URGCP: variants seen among roughly 807,000 people sequenced by gnomAD.
The protein encoded by URGCP is up-regulator of cell proliferation.
URGCP carries 13 observed loss-of-function variants against 24.6 expected under a neutral mutation model. The observed-to-expected ratio is 0.53, with a 90% confidence interval of 0.34 to 0.84. The LOEUF is 0.84. Ranked by LOEUF, URGCP falls within the 40% of genes least tolerant of loss-of-function variation. URGCP has a pLI of 0.01. For missense variants in URGCP, 899 were observed against 1,194.3 expected, an observed-to-expected ratio of 0.75 and a Z score of 3.64; for synonymous variants, 444 against 487.2, an observed-to-expected ratio of 0.91 and a Z score of 1.17.
In URGCP at chr7:43,923,879, A is replaced by T. The variant is rs184265374; in HGVS notation, c.-116+2253T>A. Among the ~76,000 whole-genome samples the T allele has an allele frequency of 8.9e-3, 1,328 of 149,662 alleles. 20 individuals are homozygous for T. Among genetic ancestry groups the T allele is most frequent in the African/African-American group, 0.031 (1,261 of 40,892 alleles). On this transcript the variant is annotated intron_variant, in intron 1 of 5. Coordinates refer to the URGCP transcript ENST00000426198. ...TAAAAATCTTTTGTGTATTATTATT[A>T]TTTTTTTTTTGAGACACAGTCTCGC...
At chr7:43,902,828 G>A (rs1017169202) in intron 1 of URGCP, among the ~76,000 whole-genome samples, 2 of 152,090 alleles carry the variant, frequency 1.3e-5, no homozygotes, top group African/African-American at 4.8e-5. Flanking sequence ...CAGGCAGGAA[G>A]AACAAAAAAC....
At chr7:43,909,543 T>C (rs1039054801), upstream of URGCP, among the ~76,000 whole-genome samples, 3 of 150,498 alleles carry the variant, frequency 2.0e-5, no homozygotes, top group African/African-American at 7.3e-5. Context: ...CTGGCCAACA[T>C]GGTGAAACTC....
rs201711850 is a variant in URGCP, at chr7:43,877,450, G to A, written c.2013C>T (p.Pro671=). ...TCAGGAGCCCTGTGACCCAGCGGAC[G>A]GGCATGCTCAGCGTGCTCCCATCGA... ...ELIDGSTLSM[P]VRWVTGLLKE... The change falls in exon 6 of 6, where the codon CCC becomes CCT. Residue 671 remains proline, a synonymous_variant. Transcript: ENST00000453200. The A allele has an allele frequency of 1.3e-5, 21 of 1,613,486 alleles. No individual in the cohort carries two copies. The highest frequency in any genetic ancestry group is 9.3e-5 in the African/African-American group (7 of 74,936).
At position 43,923,868 on chromosome 7, in the gene URGCP, GTATTAT is replaced by G. The variant is rs1014260165; in HGVS notation, c.-116+2258_-116+2263del. On this transcript the variant is annotated intron_variant, in intron 1 of 5. Coordinates refer to the URGCP transcript ENST00000426198. ...ATTTATCCATTTAAAAATCTTTTGT[GTATTAT>G]TATTATTTTTTTTTTGAGACACAGT... Among the ~76,000 whole-genome samples, 10 of 149,114 alleles carry G rather than the reference GTATTAT, an allele frequency of 6.7e-5. No homozygotes were observed. In the East Asian group the frequency reaches 2.0e-3, roughly 29 times the overall value.
chr7:43,877,610 C>T lies in URGCP; in HGVS notation c.1853G>A (p.Arg618Gln), dbSNP rs746921655. The T allele has an allele frequency of 4.3e-6, 7 of 1,614,202 alleles. No homozygotes were observed. The highest frequency in any genetic ancestry group is 5.9e-6 in the Non-Finnish European group (7 of 1,180,042). ...AGCCTCATAAAACTGTCCCATCTCCCGCAAGAAGTGTTCCACCCCTAGGGG... is the reference window on the plus strand; with the variant it reads ...AGCCTCATAAAACTGTCCCATCTCCTGCAAGAAGTGTTCCACCCCTAGGGG... The part of the protein sequence containing the change: ...PEPLGVEHFL[R>Q]EMGQFYEAES... The change falls in exon 6 of 6, where the codon CGG (arginine) becomes CAG (glutamine). Residue 618 changes from arginine (R) to glutamine (Q), a missense_variant. Coordinates refer to ENST00000453200, the MANE Select transcript of URGCP (RefSeq NM_001077663.3).
intron 1 of URGCP, among the ~76,000 whole-genome samples, chr7:43,923,540 A>G (rs1280879888): frequency 6.6e-6 from 1 of 151,740 alleles, no homozygotes; most frequent in East Asian, 1.9e-4. Flanking sequence ...CTCCAACCTC[A>G]GCTTCCCAAA....
At chr7:43,885,682 A>G (rs1022365552) in intron 3 of URGCP, among the ~76,000 whole-genome samples, 1 of 152,160 alleles carries the variant, frequency 6.6e-6, no homozygotes, top group Non-Finnish European at 1.5e-5. Context: ...CTAGCTCACA[A>G]TAAGCATCCA....
intron 1 of URGCP, among the ~76,000 whole-genome samples, chr7:43,924,658 C>T (rs1472603918): frequency 1.3e-5 from 2 of 152,154 alleles, no homozygotes; most frequent in Non-Finnish European, 1.5e-5. Context: ...GATGCTTGAG[C>T]TGGCTTTGGA....
chr7:43,922,065 G>A (rs11772346), intron 1 of URGCP, among the ~76,000 whole-genome samples: 17,445 of 150,812 alleles, frequency 0.12, 1,157 homozygotes, highest in Admixed American at 0.18. Flanking sequence ...GCTAATTTCC[G>A]TTTTTGTTTG....
chr7:43,891,462 T>C (rs2095870538), intron 1 of URGCP, among the ~76,000 whole-genome samples: 1 of 152,222 alleles, frequency 6.6e-6, no homozygotes, highest in African/African-American at 2.4e-5. Context: ...CCTTTCTTCA[T>C]GGTCCAGGAC....
At chr7:43,900,742 C>T (rs1432063361) in intron 1 of URGCP, among the ~76,000 whole-genome samples, 1 of 152,160 alleles carries the variant, frequency 6.6e-6, no homozygotes, top group Admixed American at 6.5e-5. Flanking sequence ...TAAGCCACTG[C>T]ACCTGCCATT....
chr7:43,893,653 T>C (rs1388061779), intron 1 of URGCP, among the ~76,000 whole-genome samples: 2 of 152,134 alleles, frequency 1.3e-5, no homozygotes, highest in Non-Finnish European at 2.9e-5. Flanking sequence ...GGAGGATCAC[T>C]TGAGGTCAGG....
At chr7:43,914,231 T>C (rs1237950973) in intron 1 of URGCP, among the ~76,000 whole-genome samples, 3 of 152,080 alleles carry the variant, frequency 2.0e-5, no homozygotes, top group African/African-American at 7.2e-5. Context: ...CTGGGTGTGG[T>C]GGCTCACACC....
At chr7:43,915,437 C>T (rs2095914471) in intron 1 of URGCP, among the ~76,000 whole-genome samples, 1 of 152,352 alleles carries the variant, frequency 6.6e-6, no homozygotes, top group South Asian at 2.1e-4. Flanking sequence ...CCAACTCAGC[C>T]TTTTCTATGG....
intron 3 of URGCP, among the ~76,000 whole-genome samples, chr7:43,883,353 TATATA>T (rs1562575185): frequency 9.9e-6 from 1 of 100,854 alleles, no homozygotes; most frequent in East Asian, 2.2e-4. Context: ...TATATATATA[TATATA>T]TATATTTTTT....
chr7:43,877,892 T>C lies in URGCP; in HGVS notation c.1571A>G (p.His524Arg). The C allele has an allele frequency of 6.2e-7, 1 of 1,613,902 alleles. No homozygotes were observed. The highest frequency in any genetic ancestry group is 8.5e-7 in the Non-Finnish European group (1 of 1,179,952). Residue 524 changes from histidine to arginine, a missense_variant, in exon 6 of 6, where the codon CAC (histidine) becomes CGC (arginine). Coordinates refer to ENST00000453200, the MANE Select transcript of URGCP (RefSeq NM_001077663.3). ...CAGCCGCCGCCTCAGCTCAGCCCTGTGCTTCTCAGGGGGGTCCACGGCCCA... is the reference window on the plus strand; with the variant it reads ...CAGCCGCCGCCTCAGCTCAGCCCTGCGCTTCTCAGGGGGGTCCACGGCCCA... ...LQWAVDPPEK[H>R]RAELRRRLLE...
chr7:43,919,463 C>T, intron 1 of URGCP: 1 of 983,104 alleles, frequency 1.0e-6, no homozygotes, highest in Non-Finnish European at 1.7e-6. Context: ...ACCTCATAGG[C>T]CTCATCGCCT....
rs1388746366 is a variant in URGCP, at chr7:43,876,664, C to G, written c.*3G>C. On this transcript the variant is annotated 3_prime_UTR_variant, in exon 6 of 6. Transcript: ENST00000453200. ...TACACCTGAACTGGGTTTCTCTGCACACTCACAGCCGTCTCACCAGCTCAA... is the reference window on the plus strand; with the variant it reads ...TACACCTGAACTGGGTTTCTCTGCAGACTCACAGCCGTCTCACCAGCTCAA... 1.2e-6 allele frequency: 2 copies of G among 1,612,354 alleles called. No homozygotes were observed.
rs746921655 is a variant in URGCP, at chr7:43,877,610, C to A, written c.1853G>T (p.Arg618Leu). The change falls in exon 6 of 6, where the codon CGG (arginine) becomes CTG (leucine). Residue 618 changes from arginine to leucine, a missense_variant. Arg to Leu is a moderately radical substitution (Grantham distance 102, BLOSUM62 -2). Coordinates refer to ENST00000453200, the MANE Select transcript of URGCP (RefSeq NM_001077663.3). Reference protein sequence around the residue: ...PEPLGVEHFLREMGQFYEAES... With the variant: ...PEPLGVEHFLLEMGQFYEAES... ...AGCCTCATAAAACTGTCCCATCTCC[C>A]GCAAGAAGTGTTCCACCCCTAGGGG... 1 of 1,614,202 alleles carries A rather than the reference C, an allele frequency of 6.2e-7. No homozygotes were observed. The highest frequency in any genetic ancestry group is 8.5e-7 in the Non-Finnish European group (1 of 1,180,042).
Sources: gnomAD v4.1 joint callset for allele counts (sites outside exome capture counted in the v4.1 genomes callset) on GRCh38, gnomAD v4.1.1 for gene constraint, MANE v1.5 for transcripts, NCBI Gene and HGNC (gene_info 2026-07-23, HGNC 2026-07-21) for gene names.